CEP63: variants seen among roughly 807,000 people sequenced by gnomAD.
CEP63 encodes the protein centrosomal protein of 63 kDa.
CEP63 carries 84 observed loss-of-function variants against 89.1 expected under a neutral mutation model. The observed-to-expected ratio is 0.94, with a 90% confidence interval of 0.79 to 1.13. CEP63 has a LOEUF of 1.13. Among genes scored for constraint, CEP63 ranks in the 50% most tolerant of loss-of-function variants. The pLI, the probability that CEP63 is intolerant of heterozygous loss-of-function variation, is 0.00. For synonymous variants in CEP63, 267 were observed against 272.5 expected (o/e 0.98, Z 0.20); for missense variants, 838 against 813.3 (o/e 1.03, Z -0.37).
the CEP63 span, among the ~76,000 whole-genome samples, chr3:134,676,126 G>A: frequency 1.3e-5 from 2 of 152,186 alleles, no homozygotes; most frequent in Non-Finnish European, 2.9e-5. Context: ...ACCCTAAAAT[G>A]TATACGTAAA....
chr3:134,581,899 TCTC>T (rs1306787574), intron 10 of CEP63, among the ~76,000 whole-genome samples: 4 of 151,500 alleles, frequency 2.6e-5, no homozygotes, highest in African/African-American at 9.7e-5. Flanking sequence ...ATGGTCTCGA[TCTC>T]CTGACCTCGT....
chr3:134,599,051 T>G, the CEP63 span, among the ~76,000 whole-genome samples: 6 of 152,308 alleles, frequency 3.9e-5, no homozygotes, highest in Non-Finnish European at 7.4e-5. Context: ...GCAGGGCCCT[T>G]CAGATGTTCC....
the CEP63 span, among the ~76,000 whole-genome samples, chr3:134,753,034 C>T: frequency 4.6e-5 from 7 of 152,206 alleles, no homozygotes; most frequent in South Asian, 2.1e-4. Context: ...GAAGTGGGCA[C>T]GAAGGTCATA....
At chr3:134,744,616 G>A in the CEP63 span, among the ~76,000 whole-genome samples, 1 of 152,182 alleles carries the variant, frequency 6.6e-6, no homozygotes, top group Non-Finnish European at 1.5e-5. Context: ...CTGGACTCAT[G>A]TAATCCCCCT....
chr3:134,619,336 G>A, the CEP63 span: 1 of 1,166,104 alleles, frequency 8.6e-7, no homozygotes, highest in Non-Finnish European at 1.3e-6. Context: ...CCAACCCCCA[G>A]CTGTGCTCTG....
At chr3:134,544,392 C>T (rs778134824) in intron 6 of CEP63, among the ~76,000 whole-genome samples, 22 of 152,082 alleles carry the variant, frequency 1.4e-4, no homozygotes, top group Non-Finnish European at 7.4e-5. Context: ...AGTCAGTAAA[C>T]GTATCATTCA....
the CEP63 span, among the ~76,000 whole-genome samples, chr3:134,776,813 T>C: frequency 6.6e-6 from 1 of 152,142 alleles, no homozygotes; most frequent in Non-Finnish European, 1.5e-5. Context: ...GGTGAAGATA[T>C]GACACTTACT....
At position 134,562,599 on chromosome 3, in the gene CEP63, A is replaced by G. The variant is rs1463173744; in HGVS notation, c.*1064A>G. 1 of 151,972 alleles carries G rather than the reference A, an allele frequency of 6.6e-6. No individual in the cohort carries two copies. Among genetic ancestry groups the G allele is most frequent in the Non-Finnish European group, 1.5e-5 (1 of 68,002 alleles). The allele number at this position is 151,972 out of a possible 1,614,324, so 9.4% of individuals were successfully genotyped here. Reference sequence around the variant, plus strand: ...TATGTTTGCTTCCCTTCACCCAAACACTTCTGGAAAGAGTTGTCTGCAGTG... The same window carrying G: ...TATGTTTGCTTCCCTTCACCCAAACGCTTCTGGAAAGAGTTGTCTGCAGTG... On this transcript the variant is annotated 3_prime_UTR_variant, in exon 15 of 15. Transcript: ENST00000675561.
At chr3:134,741,096 G>T in the CEP63 span, among the ~76,000 whole-genome samples, 2 of 152,092 alleles carry the variant, frequency 1.3e-5, no homozygotes, top group African/African-American at 2.4e-5. Context: ...CATTCAAAAC[G>T]CTCTCAACAG....
the CEP63 span, among the ~76,000 whole-genome samples, chr3:134,741,459 C>T: frequency 5.3e-5 from 8 of 152,122 alleles, no homozygotes; most frequent in Non-Finnish European, 8.8e-5. Flanking sequence ...CCTCACACAC[C>T]TGTGCACAGC....
the CEP63 span, among the ~76,000 whole-genome samples, chr3:134,674,067 A>G: frequency 6.6e-6 from 1 of 152,240 alleles, no homozygotes; most frequent in Admixed American, 6.5e-5. Context: ...ACCAATTTGG[A>G]TCAATGAGAA....
At chr3:134,506,918 CAAAAAAAAAAA>C (rs1229943667) in intron 2 of CEP63, among the ~76,000 whole-genome samples, 180 bp from the exon 3 acceptor site, 1 of 24,272 alleles carries the variant, frequency 4.1e-5, no homozygotes, top group African/African-American at 1.4e-4. Flanking sequence ...AACTCCATCT[CAAAAAAAAAAA>C]AAAAAAAAAA....
In CEP63 at chr3:134,509,333, A is replaced by G. The variant is rs1167837555; in HGVS notation, c.222+2047A>G. ...AAACAACCAGATCTCAGGAAAACTC[A>G]CTACAACGAGAACAGCACCAGTGGG... is the stretch of plus-strand genomic sequence containing the variant. On this transcript the variant is annotated intron_variant, in intron 3 of 14. Coordinates refer to ENST00000675561, the MANE Select transcript of CEP63 (RefSeq NM_001353108.3). Among the ~76,000 whole-genome samples, 3 of 152,140 alleles carry G rather than the reference A, an allele frequency of 2.0e-5. No individual in the cohort carries two copies. In the East Asian group the frequency reaches 5.8e-4, roughly 29 times the overall value.
At chr3:134,726,329 C>G in the CEP63 span, among the ~76,000 whole-genome samples, 1 of 152,110 alleles carries the variant, frequency 6.6e-6, no homozygotes, top group Non-Finnish European at 1.5e-5. Flanking sequence ...AGTAAAGGCC[C>G]GGCTTTGGGT....
chr3:134,496,492 C>T (rs1940078221), intron 2 of CEP63, among the ~76,000 whole-genome samples: 1 of 151,964 alleles, frequency 6.6e-6, no homozygotes. Flanking sequence ...ATATTCTGGC[C>T]TGATCTGGAC....
chr3:134,624,068 TC>T, the CEP63 span, among the ~76,000 whole-genome samples: 1 of 152,058 alleles, frequency 6.6e-6, no homozygotes, highest in East Asian at 1.9e-4. Flanking sequence ...GCCCCTCATA[TC>T]CCAAACACAC....
At chr3:134,666,925 G>C in the CEP63 span, among the ~76,000 whole-genome samples, 1 of 152,182 alleles carries the variant, frequency 6.6e-6, no homozygotes, top group Non-Finnish European at 1.5e-5. Context: ...GCCTGCACTA[G>C]AATCTGGGTC....
chr3:134,659,857 C>G, the CEP63 span, among the ~76,000 whole-genome samples: 2 of 152,192 alleles, frequency 1.3e-5, no homozygotes, highest in African/African-American at 4.8e-5. Flanking sequence ...TGCCCAGTGG[C>G]CTGGATCCCA....
At chr3:134,764,482 A>T in the CEP63 span, among the ~76,000 whole-genome samples, 1 of 152,160 alleles carries the variant, frequency 6.6e-6, no homozygotes, top group South Asian at 2.1e-4. Flanking sequence ...AAGACCTGAG[A>T]CACCTGTATC....
Sources: gnomAD v4.1 joint callset for allele counts (sites outside exome capture counted in the v4.1 genomes callset) on GRCh38, gnomAD v4.1.1 for gene constraint, MANE v1.5 for transcripts, NCBI Gene and HGNC (gene_info 2026-07-23, HGNC 2026-07-21) for gene names.